PRAMEF4: variants seen among roughly 807,000 people sequenced by gnomAD.
PRAMEF4 encodes RP5-845O24.6.
Under a neutral mutation model 34.4 loss-of-function variants are expected in PRAMEF4, and 18 were observed. The observed-to-expected ratio is 0.52, with a 90% CI of 0.36 to 0.78. PRAMEF4 has a LOEUF of 0.78. Ranked by LOEUF, PRAMEF4 falls within the 30% of genes least tolerant of loss-of-function variation. The pLI, the probability that PRAMEF4 is intolerant of heterozygous loss-of-function variation, is 0.00. For synonymous variants in PRAMEF4, 156 were observed against 219.3 expected (o/e 0.71, Z 2.55); for missense variants, 482 against 569.1 (o/e 0.85, Z 1.56).
chr1:12,883,882 TC>T (rs1268046091), intron 1 of PRAMEF4, among the ~76,000 whole-genome samples: 3 of 119,672 alleles, frequency 2.5e-5, no homozygotes, highest in Non-Finnish European at 5.6e-5. Flanking sequence ...TCTCTTTCTC[TC>T]TCTTTCTTCT....
intron 3 of PRAMEF4, among the ~76,000 whole-genome samples, chr1:12,881,307 T>G (rs1219888595): frequency 6.7e-6 from 1 of 148,588 alleles, no homozygotes; most frequent in Non-Finnish European, 1.5e-5. Flanking sequence ...CAGAAGTTGC[T>G]GCGAGCTGAG....
Position 12,883,095 on chromosome 1 carries a change from A to G in PRAMEF4, c.293+7T>C, listed in dbSNP as rs373312346. On this transcript the variant is annotated splice_region_variant and intron_variant, in intron 2 of 3. Coordinates refer to ENST00000235349, the MANE Select transcript of PRAMEF4 (RefSeq NM_001009611.4). ...CCCTCCCCACCAGCCCACCTGGGCC[A>G]CCTCACCTGGGACGAACCCCTAGGT... 1,515 of 1,600,402 alleles carry G rather than the reference A, an allele frequency of 9.5e-4. 110 individuals carry two copies. Among genetic ancestry groups the G allele is most frequent in the Non-Finnish European group, 1.1e-3 (1,293 of 1,174,026 alleles).
intron 3 of PRAMEF4, among the ~76,000 whole-genome samples, chr1:12,881,438 C>A (rs1640885503): frequency 6.7e-6 from 1 of 149,358 alleles, no homozygotes; most frequent in Non-Finnish European, 1.5e-5. Flanking sequence ...GGTATGTTAG[C>A]CAGACTGGTC....
chr1:12,883,328 G>T lies in PRAMEF4; in HGVS notation c.67C>A (p.Gln23Lys), dbSNP rs147833386. ...TCCAGGGTGGACATGGCCAAAGCTTGGTCCCTTAGCAGGCTCCGCCCTGCA... is the reference window on the plus strand; with the variant it reads ...TCCAGGGTGGACATGGCCAAAGCTTTGTCCCTTAGCAGGCTCCGCCCTGCA... ...ELAGRSLLRD[Q>K]ALAMSTLEEL... The change falls in exon 2 of 4, where the codon CAA becomes AAA. Residue 23 changes from glutamine to lysine, a missense_variant. This residue lies in a region of PRAMEF4 where 172 missense variants were observed against 130.2 expected (regional missense o/e 1.32). Coordinates refer to ENST00000235349, the MANE Select transcript of PRAMEF4 (RefSeq NM_001009611.4). 1.9e-6 allele frequency: 3 copies of T among 1,600,012 alleles called. No homozygotes were observed. In the African/African-American group the frequency reaches 4.1e-5, roughly 22 times the overall value.
At chr1:12,880,311 C>G (rs1640863799) in intron 3 of PRAMEF4, among the ~76,000 whole-genome samples, 1 of 150,722 alleles carries the variant, frequency 6.6e-6, no homozygotes, top group Non-Finnish European at 1.5e-5. Context: ...CCCAGTAACT[C>G]ACACCTGTAA....
Position 12,883,211 on chromosome 1 carries a change from G to A in PRAMEF4, c.184C>T (p.Pro62Ser), listed in dbSNP as rs565680483. The A allele has an allele frequency of 1.9e-6, 3 of 1,599,140 alleles. No homozygotes were observed. In the South Asian group the frequency reaches 3.3e-5, roughly 18 times the overall value. ...EALKLMVQSW[P>S]FRRLPLRPLI... ...GGCCTCAGAGGGAGGCGGCGGAAGGGCCAGGACTGCACCATCAGCTTCAGG... is the reference window on the plus strand; with the variant it reads ...GGCCTCAGAGGGAGGCGGCGGAAGGACCAGGACTGCACCATCAGCTTCAGG... Residue 62 changes from proline to serine, a missense_variant, in exon 2 of 4, where the codon CCC (proline) becomes TCC (serine). By Grantham distance (74) the Pro-to-Ser change is moderately conservative. This residue lies in a region of PRAMEF4 where 172 missense variants were observed against 130.2 expected (regional missense o/e 1.32). Coordinates refer to ENST00000235349, the MANE Select transcript of PRAMEF4 (RefSeq NM_001009611.4).
chr1:12,883,108 C>A lies in PRAMEF4; in HGVS notation c.287G>T (p.Arg96Leu). Residue 96 changes from arginine (R) to leucine (L), a missense_variant, in exon 2 of 4, where the codon CGT becomes CTT. Arg to Leu is a moderately radical substitution (Grantham distance 102). Around this residue, in one of 6 missense-constraint regions of PRAMEF4, gnomAD observed 172 missense variants for 130.2 expected, o/e 1.32. Transcript: ENST00000235349. ...GLDALLNLGV[R>L]PRRWKLQVLD... Reference sequence around the variant, plus strand: ...CCCACCTGGGCCACCTCACCTGGGACGAACCCCTAGGTTAAGCAGTGCATC... The same window carrying A: ...CCCACCTGGGCCACCTCACCTGGGAAGAACCCCTAGGTTAAGCAGTGCATC... 2.5e-6 allele frequency: 4 copies of A among 1,601,016 alleles called. 1 individual carries two copies. The highest frequency in any genetic ancestry group is 1.7e-6 in the Non-Finnish European group (2 of 1,174,132).
chr1:12,884,762 T>C (rs1349320195), intron 1 of PRAMEF4, among the ~76,000 whole-genome samples: 1 of 149,706 alleles, frequency 6.7e-6, no homozygotes, highest in Non-Finnish European at 1.5e-5. Flanking sequence ...TCTACCCAGT[T>C]AATCCTTATT....
Position 12,882,104 on chromosome 1 carries a change from T to C in PRAMEF4, c.625A>G (p.Ile209Val), listed in dbSNP as rs556342446. Residue 209 changes from isoleucine to valine, a missense_variant, in exon 3 of 4, where the codon ATC (isoleucine) becomes GTC (valine). Physicochemically the swap from Ile to Val is conservative, Grantham distance 29. This residue lies in a region of PRAMEF4 where 72 missense variants were observed against 128.9 expected (regional missense o/e 0.56). Transcript: ENST00000235349. ...SILKMVNLDC[I>V]QEVEVNCKWV... ...TTGCAATTCACTTCCACCTCCTGGA[T>C]ACAGTCTAGGTTCACCATTTTCAGG... 173 of 1,585,060 alleles carry C rather than the reference T, an allele frequency of 1.1e-4. 6 individuals carry two copies. The African/African-American group carries it at 2.2e-3, about 20-fold the overall frequency.
chr1:12,883,014 C>T, intron 2 of PRAMEF4, 88 bp downstream of exon 2: 2 of 1,555,578 alleles, frequency 1.3e-6, no homozygotes, highest in Non-Finnish European at 1.7e-6. Flanking sequence ...ACCACCATCC[C>T]CCTTGGGCCT....
In PRAMEF4 at chr1:12,885,708, C is replaced by A. The variant is rs921408298; in HGVS notation, c.-17+439G>T. Reference sequence around the variant, plus strand: ...ACTGAGGCATGAGAATTGCTTGAACCCGGGAAGTAAAGGTTGCAGGGAGTT... The same window carrying A: ...ACTGAGGCATGAGAATTGCTTGAACACGGGAAGTAAAGGTTGCAGGGAGTT... On this transcript the variant is annotated intron_variant, in intron 1 of 3. Transcript: ENST00000235349. Among the ~76,000 whole-genome samples the A allele has an allele frequency of 2.7e-5, 4 of 146,596 alleles. 1 individual carries two copies. Among genetic ancestry groups the A allele is most frequent in the African/African-American group, 1.0e-4 (4 of 38,982 alleles).
In PRAMEF4 at chr1:12,879,773, TGG is replaced by T. The variant is rs1557638569; in HGVS notation, c.1206_1207del (p.Ser402ArgfsTer23). The T allele has an allele frequency of 1.2e-6, 2 of 1,602,702 alleles. No homozygotes were observed. Among genetic ancestry groups the T allele is most frequent in the Non-Finnish European group, 1.7e-6 (2 of 1,175,572 alleles). On this transcript the variant is annotated frameshift_variant, in exon 4 of 4. Coordinates refer to ENST00000235349, the MANE Select transcript of PRAMEF4 (RefSeq NM_001009611.4). LOFTEE classifies it high-confidence loss of function. ...GCATAAGTTTTTGAGTATGATTGTG[TGG>T]CTCAGCAGGTTCTCCAGGGTGGCCA...
In PRAMEF4 at chr1:12,881,996, C is replaced by A; in HGVS notation, c.733G>T (p.Asp245Tyr). The stretch of plus-strand genomic sequence containing the variant: ...TCTGGGGAAACGTAGCGAGAGACAT[C>A]CATGTGGGAGAGAATGAGTTTCTGA... ...NLQKLILSHM[D>Y]VSRYVSPEQK... is the part of the protein sequence containing the mutation. Residue 245 changes from aspartate (D) to tyrosine (Y), a missense_variant, in exon 3 of 4, where the codon GAT becomes TAT. Physicochemically the swap from Asp to Tyr is radical, Grantham distance 160. Around this residue, in one of 6 missense-constraint regions of PRAMEF4, gnomAD observed 81 missense variants for 73.1 expected, o/e 1.11. Transcript: ENST00000235349. 1.9e-6 allele frequency: 3 copies of A among 1,589,840 alleles called. No homozygotes were observed. The highest frequency in any genetic ancestry group is 2.6e-6 in the Non-Finnish European group (3 of 1,173,418).
At chr1:12,883,063 AC>A (rs1456294768) in intron 2 of PRAMEF4, 38 bp downstream of exon 2, 1 of 1,597,182 alleles carries the variant, frequency 6.3e-7, no homozygotes, top group African/African-American at 1.4e-5. Flanking sequence ...TCAGTTGGAC[AC>A]CTGGGCCCTC....
At chr1:12,881,521 G>A (rs1301109651) in intron 3 of PRAMEF4, among the ~76,000 whole-genome samples, 2 of 148,238 alleles carry the variant, frequency 1.3e-5, no homozygotes, top group African/African-American at 2.5e-5. Flanking sequence ...ATGAGCCACC[G>A]CCCCTGGCGT....
In PRAMEF4 at chr1:12,881,962, T is replaced by C; in HGVS notation, c.767A>G (p.Lys256Arg). ...AGTGGTGAACTGGGTAACAATCTCC[T>C]TCTTCTGCTCTGGGGAAACGTAGCG... ...VSRYVSPEQK[K>R]EIVTQFTTQF... The change falls in exon 3 of 4, where the codon AAG becomes AGG. Residue 256 changes from lysine to arginine, a missense_variant. Lys to Arg is a conservative substitution (Grantham distance 26, BLOSUM62 2). This residue lies in a region of PRAMEF4 where 81 missense variants were observed against 73.1 expected (regional missense o/e 1.11). Transcript: ENST00000235349. 1.3e-6 allele frequency: 2 copies of C among 1,588,670 alleles called. No individual in the cohort carries two copies. Among genetic ancestry groups the C allele is most frequent in the Non-Finnish European group, 1.7e-6 (2 of 1,174,210 alleles).
At chr1:12,882,619 C>A (rs201241704) in intron 2 of PRAMEF4, among the ~76,000 whole-genome samples, 184 bp from the exon 3 acceptor site, 1 of 143,324 alleles carries the variant, frequency 7.0e-6, no homozygotes, top group African/African-American at 2.6e-5. Context: ...GAGACCAAGT[C>A]TCCCTGTGTC....
chr1:12,883,640 C>G (rs1235087117), intron 1 of PRAMEF4, among the ~76,000 whole-genome samples: 4 of 148,340 alleles, frequency 2.7e-5, no homozygotes, highest in Non-Finnish European at 6.0e-5. Flanking sequence ...CCCTTCCTTT[C>G]TATCCAGTGC....
At position 12,880,138 on chromosome 1, in the gene PRAMEF4, G is replaced by A; in HGVS notation, c.876-33C>T. ...GAGAGAGCAAGAAGTTAATTCTGGG[G>A]AATCATAGGGGTGAGTGGAGGGTGG... On this transcript the variant is annotated intron_variant, in intron 3 of 3. Coordinates refer to ENST00000235349, the MANE Select transcript of PRAMEF4 (RefSeq NM_001009611.4). 12 of 1,548,608 alleles carry A rather than the reference G, an allele frequency of 7.7e-6. No individual in the cohort carries two copies. In the South Asian group the frequency reaches 1.4e-4, roughly 17 times the overall value.
Sources: allele counts gnomAD v4.1 joint callset (sites outside exome capture counted in the v4.1 genomes callset), GRCh38; gene constraint gnomAD v4.1.1; regional missense constraint gnomAD v4.1.1; transcripts MANE v1.5; gene names NCBI Gene and HGNC (gene_info 2026-07-23, HGNC 2026-07-21).